GRM8: variants seen among roughly 807,000 people sequenced by gnomAD.
The protein encoded by GRM8 is glutamate metabotropic receptor 8.
GRM8 carries 47 observed loss-of-function variants against 87.2 expected under a neutral mutation model. That is an observed-to-expected ratio of 0.54 (90% confidence interval 0.43 to 0.69). The LOEUF is 0.69. GRM8 is among the 30% of genes least tolerant of loss of function. The probability of loss-of-function intolerance (pLI) is 0.00; values close to 1 mark genes in which losing one functional copy is unlikely to be tolerated. For missense variants in GRM8, 1,019 were observed against 1,139.2 expected (o/e 0.89, Z 1.52); for synonymous variants, 396 against 404.5 (o/e 0.98, Z 0.25).
rs149407214 is a variant in GRM8, at chr7:127,148,416, C to CAA, written c.511-41706_511-41705dup. 4.9e-3 allele frequency among the ~76,000 whole-genome samples: 681 copies of CAA among 139,640 alleles called. 7 individuals are homozygous for CAA. Among genetic ancestry groups the CAA allele is most frequent in the African/African-American group, 0.017 (640 of 37,956 alleles). 91.6% of individuals were successfully genotyped at this position (139,640 alleles called of 152,430 possible). A position where few individuals can be genotyped will look rare whatever the true frequency, so the allele number is the denominator to read the frequency against. Reference sequence around the variant, plus strand: ...CACTTTCAACAATAGATAGATGAAGCAAAAAAAAAAAATAATAAGGAAATA... The same window carrying CAA: ...CACTTTCAACAATAGATAGATGAAGCAAAAAAAAAAAAAATAATAAGGAAATA... On this transcript the variant is annotated intron_variant, in intron 2 of 10. Transcript: ENST00000339582.
chr7:126,886,220 A>G (rs1205336305), intron 6 of GRM8, among the ~76,000 whole-genome samples: 1 of 152,164 alleles, frequency 6.6e-6, no homozygotes, highest in Non-Finnish European at 1.5e-5. Flanking sequence ...GCCAGGAATT[A>G]CGGTATACTT....
At chr7:126,662,247 A>G (rs935216986) in intron 7 of GRM8, among the ~76,000 whole-genome samples, 29 of 152,222 alleles carry the variant, frequency 1.9e-4, no homozygotes, top group Non-Finnish European at 2.4e-4. Context: ...TAAAAACTGC[A>G]ATTTTTCAAA....
At chr7:126,918,176 C>A (rs540071813) in intron 3 of GRM8, among the ~76,000 whole-genome samples, 1 of 152,136 alleles carries the variant, frequency 6.6e-6, no homozygotes, top group Non-Finnish European at 1.5e-5. Flanking sequence ...TTCTTGCCAG[C>A]GGCCTTGGAA....
intron 2 of GRM8, among the ~76,000 whole-genome samples, chr7:127,135,732 A>G (rs1827914658): frequency 6.6e-6 from 1 of 151,920 alleles, no homozygotes; most frequent in Non-Finnish European, 1.5e-5. Context: ...ACATTCGCCT[A>G]CAATCGTTTT....
At chr7:126,946,863 T>C (rs952818036) in intron 3 of GRM8, among the ~76,000 whole-genome samples, 8 of 152,202 alleles carry the variant, frequency 5.3e-5, no homozygotes, top group Admixed American at 4.6e-4. Flanking sequence ...AACAGGTCCA[T>C]CCATTTGAGA....
At chr7:126,864,550 C>T (rs571108816) in intron 6 of GRM8, among the ~76,000 whole-genome samples, 68 of 152,212 alleles carry the variant, frequency 4.5e-4, no homozygotes, top group South Asian at 2.1e-3. Context: ...TAACTGCCTA[C>T]GAACCTTTAA....
intron 7 of GRM8, among the ~76,000 whole-genome samples, chr7:126,674,226 A>G (rs1806700618): frequency 6.6e-6 from 1 of 152,186 alleles, no homozygotes; most frequent in Non-Finnish European, 1.5e-5. Context: ...AACTAAGTAG[A>G]CTTACAGATG....
intron 7 of GRM8, among the ~76,000 whole-genome samples, chr7:126,697,700 T>A (rs1156311483): frequency 6.6e-6 from 1 of 152,166 alleles, no homozygotes; most frequent in Non-Finnish European, 1.5e-5. Context: ...GCAATACTTA[T>A]CTGCCTGTAA....
At chr7:126,999,628 C>T (rs772047814) in intron 3 of GRM8, among the ~76,000 whole-genome samples, 3 of 151,416 alleles carry the variant, frequency 2.0e-5, no homozygotes, top group African/African-American at 7.3e-5. Context: ...GACGGGCATA[C>T]GAAAAGGTGC....
chr7:126,894,397 T>C (rs1047917783), intron 6 of GRM8, among the ~76,000 whole-genome samples: 8 of 152,066 alleles, frequency 5.3e-5, no homozygotes, highest in Non-Finnish European at 8.8e-5. Context: ...TTCAGATACA[T>C]TCATCTTCCA....
chr7:127,152,437 G>A (rs1419994517), intron 2 of GRM8, among the ~76,000 whole-genome samples: 3 of 152,014 alleles, frequency 2.0e-5, no homozygotes, highest in Non-Finnish European at 4.4e-5. Flanking sequence ...ACTAGATATG[G>A]TTTTCCCTAA....
At chr7:127,081,147 G>T (rs1360380721) in intron 3 of GRM8, among the ~76,000 whole-genome samples, 1 of 152,116 alleles carries the variant, frequency 6.6e-6, no homozygotes, top group Non-Finnish European at 1.5e-5. Context: ...TAGCACGAAA[G>T]GTCCTTTCTG....
rs150871545 is a variant in GRM8 at position 127,082,697 on chromosome 7, G to A, written c.727+23799C>T. 2.0e-4 allele frequency among the ~76,000 whole-genome samples: 30 copies of A among 152,146 alleles called. No homozygotes were observed. In the East Asian group the frequency reaches 3.7e-3, roughly 19 times the overall value. The stretch of plus-strand genomic sequence containing the variant: ...AACACTACTGCGTAAATGTTTCCTC[G>A]ATTATAATAATAATGGCAAACATTT... On this transcript the variant is annotated intron_variant, in intron 3 of 10. Coordinates refer to ENST00000339582, the MANE Select transcript of GRM8 (RefSeq NM_000845.3).
chr7:127,232,212 T>TGTGTGTGTGTGTGTGTGTGTGTGTGTGA (rs1491132484), intron 2 of GRM8, among the ~76,000 whole-genome samples: 7 of 143,642 alleles, frequency 4.9e-5, no homozygotes, highest in Admixed American at 3.5e-4. Flanking sequence ...TGTGTGTGTG[T>TGTGTGTGTGTGTGTGTGTGTGTGTGTGA]GAGAGAGAGA....
intron 3 of GRM8, among the ~76,000 whole-genome samples, chr7:127,008,117 C>G (rs1185414770): frequency 2.0e-5 from 3 of 151,990 alleles, no homozygotes; most frequent in African/African-American, 2.4e-5. Flanking sequence ...GGTACAGTCT[C>G]TACCAGTTGC....
At chr7:127,030,304 C>T (rs539002572) in intron 3 of GRM8, among the ~76,000 whole-genome samples, 1 of 81,626 alleles carries the variant, frequency 1.2e-5, no homozygotes. Flanking sequence ...AGAAGGTTCA[C>T]CCCTCCCAGT....
At chr7:127,159,284 TG>T (rs1792940043) in intron 2 of GRM8, among the ~76,000 whole-genome samples, 1 of 152,190 alleles carries the variant, frequency 6.6e-6, no homozygotes, top group African/African-American at 2.4e-5. Context: ...GATAATAAGA[TG>T]CAAGGTAAAG....
intron 2 of GRM8, among the ~76,000 whole-genome samples, chr7:127,237,815 A>G (rs1798063780): frequency 6.6e-6 from 1 of 152,214 alleles, no homozygotes. Flanking sequence ...AACCCAGTGC[A>G]TCTTTGTGGA....
chr7:126,617,289 C>T (rs566500348), intron 7 of GRM8, among the ~76,000 whole-genome samples: 1 of 152,162 alleles, frequency 6.6e-6, no homozygotes, highest in Admixed American at 6.5e-5. Flanking sequence ...ATGATTATCT[C>T]AATAGATGAA....
Sources: gnomAD v4.1 joint callset for allele counts (sites outside exome capture counted in the v4.1 genomes callset) on GRCh38, gnomAD v4.1.1 for gene constraint, MANE v1.5 for transcripts, NCBI Gene and HGNC (gene_info 2026-07-23, HGNC 2026-07-21) for gene names.